NCAM2: variants seen among roughly 807,000 people sequenced by gnomAD.
NCAM2 encodes neural cell adhesion molecule 2.
NCAM2 carries 30 observed loss-of-function variants against 98.1 expected under a neutral mutation model. The ratio of observed to expected loss-of-function variants is 0.31; its 90% CI spans 0.23 to 0.41. The LOEUF is 0.41. Ranked by LOEUF, NCAM2 falls within the 10% of genes least tolerant of loss-of-function variation. The probability of loss-of-function intolerance (pLI) is 1.00; values close to 1 mark genes in which losing one functional copy is unlikely to be tolerated. For missense variants in NCAM2, 867 were observed against 1,005.8 expected (o/e 0.86, Z 1.87); for synonymous variants, 368 against 342.4 (o/e 1.07, Z -0.83).
chr21:21,208,875 C>T (rs1238713868), intron 1 of NCAM2, among the ~76,000 whole-genome samples: 1 of 151,856 alleles, frequency 6.6e-6, no homozygotes, highest in Non-Finnish European at 1.5e-5. Flanking sequence ...TAAATATTTT[C>T]TTCTTTTTCT....
intron 1 of NCAM2, chr21:21,210,768 C>T (rs761202401): frequency 1.7e-5 from 11 of 640,624 alleles, no homozygotes; most frequent in Non-Finnish European, 2.4e-5. Context: ...AGGTGGAGAA[C>T]ATCTTATTTA....
intron 1 of NCAM2, among the ~76,000 whole-genome samples, chr21:21,052,600 T>C (rs2065132972): frequency 6.6e-6 from 1 of 152,136 alleles, no homozygotes; most frequent in South Asian, 2.1e-4. Context: ...ATCATCTCTT[T>C]CTTTAGACCC....
At chr21:21,394,484 T>A (rs1286077777) in intron 9 of NCAM2, among the ~76,000 whole-genome samples, 1 of 65,944 alleles carries the variant, frequency 1.5e-5, no homozygotes, top group East Asian at 5.0e-4. Flanking sequence ...TTTTTTTTTT[T>A]TTTTTTTTTT....
At chr21:21,337,624 A>C (rs940556453) in intron 7 of NCAM2, among the ~76,000 whole-genome samples, 1 of 152,034 alleles carries the variant, frequency 6.6e-6, no homozygotes, top group African/African-American at 2.4e-5. Context: ...GGAAATACAA[A>C]TAACACAGAT....
chr21:21,065,187 A>C (rs2065409398), intron 1 of NCAM2, among the ~76,000 whole-genome samples: 2 of 152,122 alleles, frequency 1.3e-5, no homozygotes, highest in South Asian at 2.1e-4. Flanking sequence ...CTCAAAAAAA[A>C]CAAAAAACAA....
intron 1 of NCAM2, among the ~76,000 whole-genome samples, chr21:21,137,265 T>C (rs953608292): frequency 6.6e-6 from 1 of 152,252 alleles, no homozygotes; most frequent in African/African-American, 2.4e-5. Context: ...TGACTGCTTA[T>C]GTCAGAATAT....
At chr21:21,307,987 A>G (rs187922739) in intron 5 of NCAM2, among the ~76,000 whole-genome samples, 1 of 152,052 alleles carries the variant, frequency 6.6e-6, no homozygotes, top group Admixed American at 6.6e-5. Context: ...TAATGTGTTC[A>G]TAGATGGCCA....
chr21:21,540,530 A>C lies in NCAM2; in HGVS notation c.*2573A>C, dbSNP rs1356543370. ...CTCCAAATGATTTATAAAAATTTCAAAATAAAAGATGGCTTGTAGTAAATT... is the reference window on the plus strand; with the variant it reads ...CTCCAAATGATTTATAAAAATTTCACAATAAAAGATGGCTTGTAGTAAATT... On this transcript the variant is annotated 3_prime_UTR_variant, in exon 18 of 18. Coordinates refer to ENST00000400546, the MANE Select transcript of NCAM2 (RefSeq NM_004540.5). 6.6e-6 allele frequency: 1 copy of C among 152,014 alleles called. No individual in the cohort carries two copies. Among genetic ancestry groups the C allele is most frequent in the Non-Finnish European group, 1.5e-5 (1 of 67,974 alleles). 9.4% of individuals were successfully genotyped at this position (152,014 alleles called of 1,614,324 possible).
intron 1 of NCAM2, among the ~76,000 whole-genome samples, chr21:21,266,543 A>G (rs183676635): frequency 1.4e-3 from 206 of 152,258 alleles, no homozygotes; most frequent in Admixed American, 4.7e-3. Flanking sequence ...ATGCAGCCAT[A>G]AAAAAGGATG....
intron 16 of NCAM2, among the ~76,000 whole-genome samples, chr21:21,516,694 C>T (rs372218144): frequency 4.6e-4 from 70 of 152,162 alleles, no homozygotes; most frequent in African/African-American, 1.6e-3. Context: ...TCCTCCCTCA[C>T]TGCTTAATCT....
intron 16 of NCAM2, among the ~76,000 whole-genome samples, chr21:21,509,703 C>CT (rs899531870): frequency 1.3e-4 from 19 of 151,814 alleles, no homozygotes; most frequent in African/African-American, 4.6e-4. Flanking sequence ...ATTATTTTGT[C>CT]CTGTAAAAGG....
intron 1 of NCAM2, among the ~76,000 whole-genome samples, chr21:21,219,137 T>G (rs1192616360): frequency 6.6e-6 from 1 of 152,210 alleles, no homozygotes; most frequent in Non-Finnish European, 1.5e-5. Context: ...ATAAACCTTC[T>G]TAAAATATTA....
chr21:21,283,843 G>T (rs1314394715), intron 2 of NCAM2, among the ~76,000 whole-genome samples: 1 of 151,808 alleles, frequency 6.6e-6, no homozygotes, highest in African/African-American at 2.4e-5. Flanking sequence ...TCTATAAGTG[G>T]GTTGTATGTC....
intron 13 of NCAM2, among the ~76,000 whole-genome samples, chr21:21,468,339 G>T (rs996410956): frequency 9.9e-5 from 15 of 151,824 alleles, no homozygotes; most frequent in African/African-American, 3.6e-4. Context: ...AAATAAAAAT[G>T]ATTTAATACT....
intron 1 of NCAM2, among the ~76,000 whole-genome samples, chr21:21,129,274 T>C (rs2066888188): frequency 6.6e-6 from 1 of 152,198 alleles, no homozygotes; most frequent in East Asian, 1.9e-4. Context: ...CAAATGAAGA[T>C]TGACTATATT....
At chr21:21,248,216 C>T (rs2071348993) in intron 1 of NCAM2, among the ~76,000 whole-genome samples, 1 of 151,814 alleles carries the variant, frequency 6.6e-6, no homozygotes, top group Non-Finnish European at 1.5e-5. Context: ...TGTTTGTATG[C>T]TTAATTCTTC....
intron 2 of NCAM2, 64 bp from the exon 3 acceptor site, chr21:21,284,130 T>C (rs2073019105): frequency 8.0e-7 from 1 of 1,256,272 alleles, no homozygotes. Flanking sequence ...TAATAGTAAA[T>C]GCCAATGTTC....
At chr21:21,311,358 T>TTTG (rs2074047587) in intron 5 of NCAM2, among the ~76,000 whole-genome samples, 1 of 71,314 alleles carries the variant, frequency 1.4e-5, no homozygotes, top group Non-Finnish European at 2.8e-5. Context: ...TTTTTTTTTT[T>TTTG]GAGACGGAGT....
intron 1 of NCAM2, among the ~76,000 whole-genome samples, chr21:21,211,544 A>G (rs1476581440): frequency 6.6e-6 from 1 of 152,192 alleles, no homozygotes; most frequent in African/African-American, 2.4e-5. Flanking sequence ...ACTTTCAGTT[A>G]CAGAAAATAA....
Sources: gnomAD v4.1 joint callset for allele counts (sites outside exome capture counted in the v4.1 genomes callset) on GRCh38, gnomAD v4.1.1 for gene constraint, MANE v1.5 for transcripts, NCBI Gene and HGNC (gene_info 2026-07-23, HGNC 2026-07-21) for gene names.